The following KCNQ5 variants were observed in gnomAD, a reference collection of about 807,000 sequenced individuals.
KCNQ5 encodes potassium voltage-gated channel subfamily KQT member 5.
KCNQ5 carries 30 observed loss-of-function variants against 98.2 expected under a neutral mutation model. That is an observed-to-expected ratio of 0.31 (90% CI 0.23 to 0.41). The LOEUF is 0.41. KCNQ5 is among the 10% of genes least tolerant of loss of function. KCNQ5 has a pLI of 1.00. For synonymous variants in KCNQ5, 458 were observed against 449.4 expected (o/e 1.02, Z -0.24); for missense variants, 835 against 1,182.5 (o/e 0.71, Z 4.31).
chr6:73,089,814 T>C (rs183998654), intron 5 of KCNQ5, among the ~76,000 whole-genome samples: 330 of 152,292 alleles, frequency 2.2e-3, no homozygotes, highest in African/African-American at 7.1e-3. Flanking sequence ...CACTCATTGA[T>C]TGATGGGCAT....
At chr6:72,657,123 T>C (rs1195627904) in intron 1 of KCNQ5, among the ~76,000 whole-genome samples, 3 of 152,160 alleles carry the variant, frequency 2.0e-5, no homozygotes, top group African/African-American at 7.2e-5. Context: ...GGCAAGAGGA[T>C]AGTTTGAGCC....
chr6:72,956,711 T>A (rs1008873250), intron 1 of KCNQ5, among the ~76,000 whole-genome samples: 3 of 151,968 alleles, frequency 2.0e-5, no homozygotes, highest in Non-Finnish European at 4.4e-5. Context: ...CAGCCTTTGC[T>A]TTTTTCTTGA....
At chr6:73,045,805 G>A (rs1003323903) in intron 3 of KCNQ5, among the ~76,000 whole-genome samples, 23 of 152,170 alleles carry the variant, frequency 1.5e-4, no homozygotes, top group African/African-American at 4.8e-4. Context: ...CCTTGGTGAC[G>A]CTTTCCAAAG....
intron 1 of KCNQ5, among the ~76,000 whole-genome samples, chr6:72,924,754 T>G (rs2150221946): frequency 6.6e-6 from 1 of 152,246 alleles, no homozygotes; most frequent in East Asian, 1.9e-4. Context: ...TGCCTACAAC[T>G]GAAGGATATC....
chr6:73,171,950 T>A (rs2150505860), intron 11 of KCNQ5, among the ~76,000 whole-genome samples: 1 of 152,326 alleles, frequency 6.6e-6, no homozygotes, highest in Non-Finnish European at 1.5e-5. Flanking sequence ...TAAAAAGGAT[T>A]GTGAGCTGCA....
At chr6:73,011,430 T>C (rs1008857045) in intron 2 of KCNQ5, among the ~76,000 whole-genome samples, 1 of 152,046 alleles carries the variant, frequency 6.6e-6, no homozygotes, top group Non-Finnish European at 1.5e-5. Flanking sequence ...GATATCCACA[T>C]GTGAAAGAAT....
intron 1 of KCNQ5, among the ~76,000 whole-genome samples, chr6:72,800,151 T>G (rs1774564981): frequency 6.6e-6 from 1 of 152,126 alleles, no homozygotes; most frequent in East Asian, 1.9e-4. Context: ...AATTTGAATT[T>G]CAAAGGTAAT....
At chr6:72,975,605 C>A (rs1768126296) in intron 1 of KCNQ5, among the ~76,000 whole-genome samples, 1 of 152,152 alleles carries the variant, frequency 6.6e-6, no homozygotes. Context: ...ATGGTTATTT[C>A]TCTCTGGAGA....
intron 5 of KCNQ5, among the ~76,000 whole-genome samples, chr6:73,080,740 A>G (rs1773729073): frequency 6.6e-6 from 1 of 152,200 alleles, no homozygotes; most frequent in African/African-American, 2.4e-5. Flanking sequence ...AAAAAAGGAA[A>G]TCCCCTATAT....
intron 1 of KCNQ5, among the ~76,000 whole-genome samples, chr6:72,805,875 T>C (rs1774927712): frequency 6.6e-6 from 1 of 152,142 alleles, no homozygotes; most frequent in African/African-American, 2.4e-5. Flanking sequence ...ATCGTAGAAC[T>C]CTTTCAATTC....
chr6:73,083,221 T>C (rs956864980), intron 5 of KCNQ5, among the ~76,000 whole-genome samples: 5 of 152,322 alleles, frequency 3.3e-5, no homozygotes, highest in African/African-American at 1.2e-4. Context: ...ATGTCAGTTG[T>C]ATTTGTAATT....
chr6:72,921,948 A>G (rs768875732), intron 1 of KCNQ5, among the ~76,000 whole-genome samples: 1 of 152,170 alleles, frequency 6.6e-6, no homozygotes, highest in Non-Finnish European at 1.5e-5. Flanking sequence ...GGCTCCCTCA[A>G]CTTGAAATTC....
intron 2 of KCNQ5, among the ~76,000 whole-genome samples, chr6:73,005,149 G>A (rs1234953654): frequency 6.6e-6 from 1 of 152,192 alleles, no homozygotes; most frequent in Non-Finnish European, 1.5e-5. Context: ...TGCTCCAGCA[G>A]CATATTGCTC....
At chr6:72,633,219 C>T (rs1455160124) in intron 1 of KCNQ5, among the ~76,000 whole-genome samples, 2 of 152,010 alleles carry the variant, frequency 1.3e-5, no homozygotes, top group East Asian at 1.9e-4. Flanking sequence ...GGGGGCCACT[C>T]GTATGTCTTC....
chr6:72,919,513 G>A (rs1000822110), intron 1 of KCNQ5, among the ~76,000 whole-genome samples: 1 of 152,106 alleles, frequency 6.6e-6, no homozygotes, highest in African/African-American at 2.4e-5. Context: ...GTTATATGTT[G>A]TATTTTTCAG....
intron 1 of KCNQ5, among the ~76,000 whole-genome samples, chr6:72,684,882 GTGTC>G (rs761926821): frequency 4.6e-5 from 7 of 152,124 alleles, no homozygotes; most frequent in Non-Finnish European, 7.4e-5. Context: ...GTATGCGTGT[GTGTC>G]TGTCTGTGTA....
chr6:72,771,800 T>C (rs1349047914), intron 1 of KCNQ5, among the ~76,000 whole-genome samples: 5 of 152,032 alleles, frequency 3.3e-5, no homozygotes, highest in Non-Finnish European at 7.4e-5. Context: ...TTCTGTGATT[T>C]TGATAAGAGA....
chr6:72,954,669 G>A (rs1286163142), intron 1 of KCNQ5, among the ~76,000 whole-genome samples: 1 of 152,052 alleles, frequency 6.6e-6, no homozygotes, highest in Admixed American at 6.6e-5. Context: ...AGGGGTGGCA[G>A]GAATTTAAGT....
intron 1 of KCNQ5, among the ~76,000 whole-genome samples, chr6:72,844,751 C>A (rs750786274): frequency 6.6e-6 from 1 of 152,166 alleles, no homozygotes; most frequent in Non-Finnish European, 1.5e-5. Flanking sequence ...GGAATGACAT[C>A]CCTAACCTTT....
Sources: allele counts gnomAD v4.1 joint callset (sites outside exome capture counted in the v4.1 genomes callset), GRCh38; gene constraint gnomAD v4.1.1; transcripts MANE v1.5; gene names NCBI Gene and HGNC (gene_info 2026-07-23, HGNC 2026-07-21).